NEDD9: variants seen among roughly 807,000 people sequenced by gnomAD.
NEDD9 encodes the protein enhancer of filamentation 1.
In NEDD9, 26 loss-of-function variants were observed where a neutral mutation model predicts 76.6. The observed-to-expected ratio is 0.34, with a 90% confidence interval of 0.25 to 0.47. The LOEUF is 0.47. Ranked by LOEUF, NEDD9 falls within the 20% of genes least tolerant of loss-of-function variation. The pLI is 1.00. For synonymous variants in NEDD9, 392 were observed against 414.2 expected (o/e 0.95, Z 0.65); for missense variants, 937 against 1,058.5 (o/e 0.89, Z 1.59).
At chr6:11,360,301 A>G (rs1762655486) in intron 1 of NEDD9, among the ~76,000 whole-genome samples, 1 of 152,250 alleles carries the variant, frequency 6.6e-6, no homozygotes, top group Admixed American at 6.5e-5. Context: ...GAACTCCCAA[A>G]GGAGAGCATG....
At chr6:11,260,216 A>C (rs1345187022) in intron 3 of NEDD9, among the ~76,000 whole-genome samples, 1 of 152,230 alleles carries the variant, frequency 6.6e-6, no homozygotes, top group East Asian at 1.9e-4. Context: ...TGGTATACAG[A>C]CAAAAATAAA....
chr6:11,323,562 T>A (rs1761857775), intron 2 of NEDD9, among the ~76,000 whole-genome samples: 1 of 152,086 alleles, frequency 6.6e-6, no homozygotes, highest in Non-Finnish European at 1.5e-5. Context: ...TAGCATGCAG[T>A]GAACAGAGGC....
At chr6:11,358,574 A>G (rs1762624630) in intron 1 of NEDD9, among the ~76,000 whole-genome samples, 1 of 152,218 alleles carries the variant, frequency 6.6e-6, no homozygotes, top group African/African-American at 2.4e-5. Context: ...AAGTCACCCT[A>G]GAGGAAAGCT....
chr6:11,209,657 A>G (rs995044723), intron 2 of NEDD9, among the ~76,000 whole-genome samples: 8 of 152,226 alleles, frequency 5.3e-5, no homozygotes, highest in Non-Finnish European at 8.8e-5. Context: ...CCTATGAAGT[A>G]GTTAGTATCA....
At chr6:11,357,605 AC>A (rs1392768929) in intron 1 of NEDD9, among the ~76,000 whole-genome samples, 2 of 152,224 alleles carry the variant, frequency 1.3e-5, no homozygotes, top group East Asian at 3.8e-4. Context: ...CAGAAACAAC[AC>A]CCAGAAAATA....
At chr6:11,308,802 A>C (rs1398350451) in intron 2 of NEDD9, among the ~76,000 whole-genome samples, 1 of 152,232 alleles carries the variant, frequency 6.6e-6, no homozygotes, top group Admixed American at 6.5e-5. Context: ...GCTCCAAGGA[A>C]TCCTGATAAT....
intron 1 of NEDD9, among the ~76,000 whole-genome samples, chr6:11,366,145 G>A (rs1173263603): frequency 6.6e-6 from 1 of 152,056 alleles, no homozygotes; most frequent in South Asian, 2.1e-4. Flanking sequence ...GTAACCGGGT[G>A]TGGTGGCATG....
intron 1 of NEDD9, among the ~76,000 whole-genome samples, chr6:11,229,314 G>T (rs1344404096): frequency 1.3e-5 from 2 of 152,248 alleles, no homozygotes; most frequent in African/African-American, 4.8e-5. Context: ...ATTTGGCAAA[G>T]CCACAAAAGC....
chr6:11,348,586 C>T lies in NEDD9; in HGVS notation c.-213-14025G>A, dbSNP rs527944520. 3.9e-5 allele frequency among the ~76,000 whole-genome samples: 6 copies of T among 152,182 alleles called. No individual in the cohort carries two copies. The South Asian group carries it at 1.2e-3, about 32-fold the overall frequency. On this transcript the variant is annotated intron_variant, in intron 1 of 3. Transcript: ENST00000397378. ...ATGGTACAAAAACAGACACGCAGGC[C>T]AATGGAACAGAATAGAGAGCTCAGA...
intron 2 of NEDD9, among the ~76,000 whole-genome samples, chr6:11,311,953 C>T (rs953761195): frequency 3.9e-5 from 6 of 152,146 alleles, no homozygotes; most frequent in Non-Finnish European, 5.9e-5. Context: ...CCATTGACCA[C>T]GTTTCCCCTT....
rs1296843351 is a variant in NEDD9 at position 11,191,072 on chromosome 6, G to A, written c.797C>T (p.Thr266Ile). The change falls in exon 5 of 7, where the codon ACC (threonine) becomes ATC (isoleucine). Residue 266 changes from threonine to isoleucine, a missense_variant. By Grantham distance (89) the Thr-to-Ile change is moderately conservative. Transcript: ENST00000379446. ...GTCCTTCCCTGCTGGCTTGGTGCAG[G>A]TTGGAGGAATGTCATAAACCCCCTC... ...RPEGVYDIPP[T>I]CTKPAGKDLH... is the part of the protein sequence containing the mutation. 1.9e-6 allele frequency: 3 copies of A among 1,614,000 alleles called. No homozygotes were observed. The highest frequency in any genetic ancestry group is 2.7e-5 in the African/African-American group (2 of 74,964).
chr6:11,185,692 G>T, intron 6 of NEDD9, 21 bp from the exon 7 acceptor site: 1 of 1,613,132 alleles, frequency 6.2e-7, no homozygotes, highest in South Asian at 1.1e-5. Context: ...GACGAAAGCA[G>T]ATCTCATTAG....
At chr6:11,300,230 G>C (rs1214044255) in intron 3 of NEDD9, among the ~76,000 whole-genome samples, 1 of 152,158 alleles carries the variant, frequency 6.6e-6, no homozygotes, top group Non-Finnish European at 1.5e-5. Context: ...AGATTCAATA[G>C]CCTATTCGAT....
At chr6:11,330,177 G>A (rs534384617) in intron 2 of NEDD9, among the ~76,000 whole-genome samples, 92 of 152,262 alleles carry the variant, frequency 6.0e-4, no homozygotes, top group African/African-American at 2.2e-3. Flanking sequence ...TCCATACAGC[G>A]GGAGCTTAGA....
intron 3 of NEDD9, among the ~76,000 whole-genome samples, chr6:11,279,140 A>G (rs1182125059): frequency 6.6e-6 from 1 of 152,252 alleles, no homozygotes; most frequent in Non-Finnish European, 1.5e-5. Context: ...AGGCTACATC[A>G]TTAAGGATAT....
At chr6:11,347,435 A>C (rs1195228115) in intron 1 of NEDD9, among the ~76,000 whole-genome samples, 1 of 152,216 alleles carries the variant, frequency 6.6e-6, no homozygotes, top group Non-Finnish European at 1.5e-5. Flanking sequence ...AGCCTGCATC[A>C]TCCTGATACC....
intron 3 of NEDD9, among the ~76,000 whole-genome samples, chr6:11,299,967 C>A (rs1760999563): frequency 6.6e-6 from 1 of 152,190 alleles, no homozygotes; most frequent in Admixed American, 6.5e-5. Flanking sequence ...CAAAGGATTG[C>A]AGCCCCTCAC....
At chr6:11,247,473 T>C (rs1230165817) in intron 3 of NEDD9, among the ~76,000 whole-genome samples, 1 of 152,204 alleles carries the variant, frequency 6.6e-6, no homozygotes, top group Non-Finnish European at 1.5e-5. Flanking sequence ...ATTCACAATT[T>C]TAAAGTGTAC....
chr6:11,349,674 A>G (rs1385564577), intron 1 of NEDD9, among the ~76,000 whole-genome samples: 1 of 152,248 alleles, frequency 6.6e-6, no homozygotes, highest in Non-Finnish European at 1.5e-5. Context: ...CGGGAACAGA[A>G]AACCAAACAC....
Sources: gnomAD v4.1 joint callset for allele counts (sites outside exome capture counted in the v4.1 genomes callset) on GRCh38, gnomAD v4.1.1 for gene constraint, MANE v1.5 for transcripts, NCBI Gene and HGNC (gene_info 2026-07-23, HGNC 2026-07-21) for gene names.